The following AZIN1 variants were observed in gnomAD, a reference collection of about 807,000 sequenced individuals.
The protein encoded by AZIN1 is ornithine decarboxylase antizyme inhibitor.
AZIN1 carries 12 observed loss-of-function variants against 47.4 expected under a neutral mutation model. The ratio of observed to expected loss-of-function variants is 0.25; its 90% CI spans 0.16 to 0.41. The LOEUF is 0.41. Ranked by LOEUF, AZIN1 falls within the 10% of genes least tolerant of loss-of-function variation. AZIN1 has a pLI of 1.00. For missense variants in AZIN1, 410 were observed against 532.4 expected (o/e 0.77, Z 2.26); for synonymous variants, 155 against 176.3 (o/e 0.88, Z 0.96).
intron 2 of AZIN1, among the ~76,000 whole-genome samples, chr8:102,844,074 A>C (rs1812397371): frequency 6.6e-6 from 1 of 152,216 alleles, no homozygotes; most frequent in Non-Finnish European, 1.5e-5. Context: ...TAACACACAT[A>C]ATTTTACCCA....
Position 102,839,821 on chromosome 8 carries a change from T to C in AZIN1, c.105A>G (p.Thr35=). The C allele has an allele frequency of 1.9e-6, 3 of 1,584,508 alleles. No individual in the cohort carries two copies. The highest frequency in any genetic ancestry group is 2.6e-6 in the Non-Finnish European group (3 of 1,166,588). Residue 35 remains threonine, a splice_region_variant and synonymous_variant, in exon 4 of 12, where the codon ACA becomes ACG. Transcript: ENST00000337198. ...IDNYVYEHTL[T]GKNAFFVGDL... ...CTCCCACAAAAAATGCATTTTTCCC[T>C]GTCTATTATGGTTATAAAAAAAAAG...
chr8:102,836,035 T>C (rs2256440), intron 6 of AZIN1, among the ~76,000 whole-genome samples: 57,161 of 152,054 alleles, frequency 0.38, 11,703 homozygotes, highest in South Asian at 0.46. Context: ...ATTCTTTTTA[T>C]TGTGGGGAAG....
At position 102,826,843 on chromosome 8, in the gene AZIN1, G is replaced by A. The variant is rs866712897; in HGVS notation, c.*1724C>T. Reference sequence around the variant, plus strand: ...GTTAAATGGTTAAAAAAAGTTACATGGTAGCTTGGAATTTTGCATAAAACC... The same window carrying A: ...GTTAAATGGTTAAAAAAAGTTACATAGTAGCTTGGAATTTTGCATAAAACC... On this transcript the variant is annotated 3_prime_UTR_variant, in exon 12 of 12. Coordinates refer to ENST00000337198, the MANE Select transcript of AZIN1 (RefSeq NM_148174.4). The A allele has an allele frequency of 7.2e-5, 11 of 152,426 alleles. No individual in the cohort carries two copies. Among genetic ancestry groups the A allele is most frequent in the African/African-American group, 2.4e-4 (10 of 41,350 alleles). The allele number at this position is 152,426 out of a possible 1,614,324, so 9.4% of individuals were successfully genotyped here.
At chr8:102,839,132 G>A (rs1812014347) in intron 4 of AZIN1, among the ~76,000 whole-genome samples, 1 of 152,086 alleles carries the variant, frequency 6.6e-6, no homozygotes, top group Non-Finnish European at 1.5e-5. Context: ...AGTGCTACGA[G>A]TACAGGTATG....
chr8:102,863,466 G>A (rs905685678), intron 1 of AZIN1, among the ~76,000 whole-genome samples: 5 of 151,696 alleles, frequency 3.3e-5, no homozygotes, highest in Non-Finnish European at 5.9e-5. Flanking sequence ...GAGAGGGGTG[G>A]GGGCCGCACG....
chr8:102,845,641 AAAAT>A (rs1812522574), intron 2 of AZIN1, among the ~76,000 whole-genome samples: 1 of 152,250 alleles, frequency 6.6e-6, no homozygotes, highest in African/African-American at 2.4e-5. Flanking sequence ...AACAATTAAA[AAAAT>A]AAAGGTCACT....
chr8:102,839,776 C>T lies in AZIN1; in HGVS notation c.150G>A (p.Lys50=), dbSNP rs1812059367. 3.1e-6 allele frequency: 5 copies of T among 1,604,098 alleles called. No individual in the cohort carries two copies. The South Asian group carries it at 4.5e-5, about 14-fold the overall frequency. The part of the protein sequence containing the change: ...FFVGDLGKIV[K]KHSQWQNVVA... ...CTACATTCTGCCATTGACTGTGTTT[C>T]TTCACAATCTTTCCAAGATCTCCCA... is the stretch of plus-strand genomic sequence containing the variant. Residue 50 remains lysine (K), a synonymous_variant, in exon 4 of 12, where the codon AAG becomes AAA. Transcript: ENST00000337198.
chr8:102,838,325 T>C (rs1586168258), intron 5 of AZIN1, among the ~76,000 whole-genome samples: 2 of 152,294 alleles, frequency 1.3e-5, no homozygotes, highest in South Asian at 4.1e-4. Context: ...TCAGTAAAGA[T>C]GACCATTCAA....
chr8:102,831,475 T>TAAA (rs60399766), intron 9 of AZIN1, among the ~76,000 whole-genome samples: 2 of 134,806 alleles, frequency 1.5e-5, no homozygotes, highest in African/African-American at 2.7e-5. Context: ...GCATTTAAAT[T>TAAA]AAAAAAAAAA....
chr8:102,861,215 T>C (rs377288803), intron 1 of AZIN1, among the ~76,000 whole-genome samples: 31 of 152,168 alleles, frequency 2.0e-4, no homozygotes, highest in African/African-American at 7.0e-4. Flanking sequence ...AAATAAAGTT[T>C]ATTTTTCATT....
chr8:102,845,622 A>G (rs1467639969), intron 2 of AZIN1, among the ~76,000 whole-genome samples: 2 of 152,174 alleles, frequency 1.3e-5, no homozygotes, highest in East Asian at 1.9e-4. Flanking sequence ...TATTCAACTG[A>G]GCACTAAGAA....
chr8:102,833,580 G>A (rs1396022508), intron 8 of AZIN1, among the ~76,000 whole-genome samples: 1 of 151,966 alleles, frequency 6.6e-6, no homozygotes, highest in Non-Finnish European at 1.5e-5. Context: ...GCAGGAAGGT[G>A]AGAAACAGGT....
chr8:102,853,298 T>A (rs144161971), intron 2 of AZIN1, among the ~76,000 whole-genome samples: 97 of 152,118 alleles, frequency 6.4e-4, no homozygotes, highest in Middle Eastern at 3.4e-3. Context: ...GGGTCAGGAG[T>A]TCGAGACAAG....
chr8:102,844,497 A>G (rs1812433695), intron 2 of AZIN1, among the ~76,000 whole-genome samples: 1 of 152,226 alleles, frequency 6.6e-6, no homozygotes, highest in South Asian at 2.1e-4. Context: ...TAGCAATGTT[A>G]TGAGGTGAGT....
rs540696820 is a variant in AZIN1, at chr8:102,828,354, T to G, written c.*213A>C. 15 of 416,782 alleles carry G rather than the reference T, an allele frequency of 3.6e-5. No individual in the cohort carries two copies. Among genetic ancestry groups the G allele is most frequent in the Admixed American group, 2.8e-4 (7 of 25,330 alleles). The allele number at this position is 416,782 out of a possible 1,614,324, so 25.8% of individuals were successfully genotyped here. A position where few individuals can be genotyped will look rare whatever the true frequency, so the allele number is the denominator to read the frequency against. On this transcript the variant is annotated 3_prime_UTR_variant, in exon 12 of 12. Transcript: ENST00000337198. Reference sequence around the variant, plus strand: ...TTAAGGGGTAGGACAAACTGGTAGGTTTAAATCTGGATACATTATCTAAAT... The same window carrying G: ...TTAAGGGGTAGGACAAACTGGTAGGGTTAAATCTGGATACATTATCTAAAT...
At chr8:102,837,857 C>T (rs544253688) in intron 5 of AZIN1, among the ~76,000 whole-genome samples, 91 of 152,294 alleles carry the variant, frequency 6.0e-4, no homozygotes, top group African/African-American at 2.1e-3. Context: ...ATTCAATATG[C>T]TTTTAGCATA....
intron 1 of AZIN1, among the ~76,000 whole-genome samples, chr8:102,861,124 C>T (rs775329530): frequency 6.6e-6 from 1 of 152,168 alleles, no homozygotes; most frequent in Non-Finnish European, 1.5e-5. Flanking sequence ...ACTGTAATAA[C>T]GTAAGATGTT....
chr8:102,829,799 T>C (rs1466032510), intron 10 of AZIN1, 22 bp downstream of exon 10: 6 of 1,537,322 alleles, frequency 3.9e-6, no homozygotes, highest in Admixed American at 1.8e-5. Flanking sequence ...AAATAGGTTT[T>C]GATATTTCTG....
intron 5 of AZIN1, among the ~76,000 whole-genome samples, chr8:102,837,530 A>G (rs936948463): frequency 3.3e-5 from 5 of 152,212 alleles, no homozygotes; most frequent in Non-Finnish European, 7.3e-5. Flanking sequence ...GATGAAAGCA[A>G]AAATTATTCT....
Sources: allele counts gnomAD v4.1 joint callset (sites outside exome capture counted in the v4.1 genomes callset), GRCh38; gene constraint gnomAD v4.1.1; transcripts MANE v1.5; gene names NCBI Gene and HGNC (gene_info 2026-07-23, HGNC 2026-07-21).